Variants in MSRA observed in about 807,000 individuals in gnomAD.
MSRA encodes the protein mitochondrial peptide methionine sulfoxide reductase.
MSRA carries 54 observed loss-of-function variants against 31.3 expected under a neutral mutation model. That is an observed-to-expected ratio of 1.73 (90% CI 1.39 to 2.17). The LOEUF (loss-of-function observed/expected upper bound fraction) is 2.17. Ranked by LOEUF, MSRA falls within the 30% of genes most tolerant of loss-of-function variation. The probability of loss-of-function intolerance (pLI) is 0.00; values close to 1 mark genes in which losing one functional copy is unlikely to be tolerated. For synonymous variants in MSRA, 169 were observed against 116.5 expected (o/e 1.45, Z -2.90); for missense variants, 507 against 300.9 (o/e 1.69, Z -5.07).
At chr8:10,144,326 C>T (rs796783775) in intron 1 of MSRA, among the ~76,000 whole-genome samples, 5 of 152,298 alleles carry the variant, frequency 3.3e-5, no homozygotes, top group African/African-American at 1.2e-4. Flanking sequence ...GGCTCTGCCA[C>T]CTCCTAGGTG....
At chr8:10,340,619 T>A (rs1054963420) in intron 5 of MSRA, among the ~76,000 whole-genome samples, 2 of 152,212 alleles carry the variant, frequency 1.3e-5, no homozygotes, top group African/African-American at 4.8e-5. Context: ...GTGATCCGCC[T>A]GCCTCAGCCT....
At chr8:10,062,709 G>A (rs548046701) in intron 1 of MSRA, among the ~76,000 whole-genome samples, 7 of 152,254 alleles carry the variant, frequency 4.6e-5, no homozygotes, top group Admixed American at 2.0e-4. Flanking sequence ...TGGGGGCTCC[G>A]GCCTACATTT....
chr8:10,122,181 G>A (rs1343658867), intron 1 of MSRA, among the ~76,000 whole-genome samples: 2 of 152,042 alleles, frequency 1.3e-5, no homozygotes, highest in Admixed American at 6.6e-5. Flanking sequence ...CAAGATTCTC[G>A]CCATGAGAAT....
intron 1 of MSRA, among the ~76,000 whole-genome samples, chr8:10,114,495 CTTGTTATTA>C (rs1297027471): frequency 1.0e-5 from 1 of 99,058 alleles, no homozygotes; most frequent in African/African-American, 3.4e-5. Context: ...CTTGCCAACA[CTTGTTATTA>C]TTATTATTAT....
intron 5 of MSRA, among the ~76,000 whole-genome samples, chr8:10,357,143 T>G (rs1341119875): frequency 2.0e-5 from 3 of 152,234 alleles, no homozygotes; most frequent in Admixed American, 6.5e-5. Context: ...CCATGTGGTT[T>G]TTGCTCCTTT....
intron 5 of MSRA, among the ~76,000 whole-genome samples, chr8:10,327,463 A>G (rs931909406): frequency 1.3e-5 from 2 of 152,246 alleles, no homozygotes; most frequent in African/African-American, 4.8e-5. Context: ...GGTTCCAGCT[A>G]GCATTTTCAA....
intron 2 of MSRA, among the ~76,000 whole-genome samples, chr8:10,238,647 G>A (rs1219931763): frequency 6.6e-6 from 1 of 152,188 alleles, no homozygotes; most frequent in East Asian, 1.9e-4. Context: ...TAACATTGGA[G>A]ATAAGTGGGA....
At chr8:10,232,139 G>C (rs1811539038) in intron 2 of MSRA, among the ~76,000 whole-genome samples, 1 of 152,124 alleles carries the variant, frequency 6.6e-6, no homozygotes, top group Non-Finnish European at 1.5e-5. Context: ...TTGTGTACGT[G>C]GCTGTGTTCT....
chr8:10,350,788 C>T (rs1422995738), intron 5 of MSRA, among the ~76,000 whole-genome samples: 1 of 152,190 alleles, frequency 6.6e-6, no homozygotes, highest in East Asian at 1.9e-4. Flanking sequence ...CCCGAGGCCT[C>T]GCGCCTCCCC....
In MSRA at chr8:10,148,964, T is replaced by A. The variant is rs780275891; in HGVS notation, c.143-58869T>A. Reference sequence around the variant, plus strand: ...TGTGTGTGTCGCTGGTAAATTTTTTTTTTTTTTTTTGAGACATAGTGTCAC... The same window carrying A: ...TGTGTGTGTCGCTGGTAAATTTTTTATTTTTTTTTTGAGACATAGTGTCAC... On this transcript the variant is annotated intron_variant, in intron 1 of 5. Coordinates refer to ENST00000317173, the MANE Select transcript of MSRA (RefSeq NM_012331.5). 2.1e-3 allele frequency among the ~76,000 whole-genome samples: 315 copies of A among 151,402 alleles called. 1 individual carries two copies. Among genetic ancestry groups the A allele is most frequent in the Non-Finnish European group, 3.6e-3 (245 of 67,766 alleles).
chr8:10,348,409 G>A (rs1025388929), intron 5 of MSRA, among the ~76,000 whole-genome samples: 7 of 84,380 alleles, frequency 8.3e-5, no homozygotes, highest in East Asian at 2.9e-4. Context: ...TTGCTCTGTC[G>A]CCCAGGCTGG....
At chr8:10,346,688 C>G (rs543423411) in intron 5 of MSRA, among the ~76,000 whole-genome samples, 2 of 152,134 alleles carry the variant, frequency 1.3e-5, no homozygotes, top group Non-Finnish European at 2.9e-5. Context: ...TAACAAGATG[C>G]GGGGAATCTT....
At chr8:10,112,431 A>C (rs1286564097) in intron 1 of MSRA, among the ~76,000 whole-genome samples, 1 of 152,232 alleles carries the variant, frequency 6.6e-6, no homozygotes, top group Non-Finnish European at 1.5e-5. Context: ...TTCTTACTAA[A>C]GTCACGGCCA....
chr8:10,113,287 G>GTTTTTTTTTTT (rs1412167930), intron 1 of MSRA, among the ~76,000 whole-genome samples: 158 of 6,000 alleles, frequency 0.026, 3 homozygotes, highest in Non-Finnish European at 0.045. Context: ...GTGAAGACAG[G>GTTTTTTTTTTT]TCTTCTTTTT....
At chr8:10,089,794 C>G (rs1168169247) in intron 1 of MSRA, among the ~76,000 whole-genome samples, 1 of 152,292 alleles carries the variant, frequency 6.6e-6, no homozygotes. Flanking sequence ...AAGGGGCGTC[C>G]TGGCTTTATA....
chr8:10,244,978 T>G, intron 2 of MSRA, 126 bp from the exon 3 acceptor site: 2 of 667,416 alleles, frequency 3.0e-6, no homozygotes, highest in Non-Finnish European at 4.7e-6. Context: ...ATCTTAGTCA[T>G]TTTTGGTTAT....
Position 10,154,040 on chromosome 8 carries a change from A to G in MSRA, c.143-53793A>G, listed in dbSNP as rs10111570. Among the ~76,000 whole-genome samples the G allele has an allele frequency of 4.9e-3, 754 of 152,328 alleles. 6 individuals are homozygous for G. Among genetic ancestry groups the G allele is most frequent in the African/African-American group, 0.017 (704 of 41,586 alleles). On this transcript the variant is annotated intron_variant, in intron 1 of 5. Coordinates refer to ENST00000317173, the MANE Select transcript of MSRA (RefSeq NM_012331.5). Reference sequence around the variant, plus strand: ...AACCAATGTGGTCTTGGCTTCAGGAATCTGTACCATCATAGATAGCAGTGG... The same window carrying G: ...AACCAATGTGGTCTTGGCTTCAGGAGTCTGTACCATCATAGATAGCAGTGG...
intron 3 of MSRA, among the ~76,000 whole-genome samples, chr8:10,290,456 C>G (rs1160191802): frequency 6.6e-6 from 1 of 152,076 alleles, no homozygotes; most frequent in South Asian, 2.1e-4. Flanking sequence ...AAAAAATGTT[C>G]TGTCCATTTC....
intron 1 of MSRA, among the ~76,000 whole-genome samples, chr8:10,056,198 C>CAAAAA (rs35457688): frequency 2.3e-4 from 21 of 90,982 alleles, no homozygotes; most frequent in East Asian, 6.7e-4. Context: ...TCCCATACAC[C>CAAAAA]AAAAAAAAAA....
Sources: allele counts gnomAD v4.1 joint callset (sites outside exome capture counted in the v4.1 genomes callset), GRCh38; gene constraint gnomAD v4.1.1; transcripts MANE v1.5; gene names NCBI Gene and HGNC (gene_info 2026-07-23, HGNC 2026-07-21).